The following KCNQ5 variants were observed in gnomAD, a reference collection of about 807,000 sequenced individuals.
The protein encoded by KCNQ5 is potassium voltage-gated channel subfamily Q member 5.
A neutral mutation model predicts 98.2 loss-of-function variants in KCNQ5; 30 were observed. That is an observed-to-expected ratio of 0.31 (90% confidence interval 0.23 to 0.41). KCNQ5 has a LOEUF of 0.41. Ranked by LOEUF, KCNQ5 falls within the 10% of genes least tolerant of loss-of-function variation. The pLI is 1.00. For missense variants in KCNQ5, 835 were observed against 1,182.5 expected (o/e 0.71, Z 4.31); for synonymous variants, 458 against 449.4 (o/e 1.02, Z -0.24).
chr6:73,035,745 C>A (rs1045085222), intron 2 of KCNQ5, among the ~76,000 whole-genome samples: 1 of 152,154 alleles, frequency 6.6e-6, no homozygotes, highest in African/African-American at 2.4e-5. Flanking sequence ...TTTCCTCTTA[C>A]GAGTCTATCC....
intron 11 of KCNQ5, among the ~76,000 whole-genome samples, chr6:73,170,090 AG>A (rs200983298): frequency 0.12 from 18,684 of 152,228 alleles, 1,511 homozygotes; most frequent in Middle Eastern, 0.26. Flanking sequence ...GTCATATTAG[AG>A]AGATTACACG....
intron 1 of KCNQ5, among the ~76,000 whole-genome samples, chr6:72,750,239 A>C (rs1054164331): frequency 6.6e-6 from 1 of 152,112 alleles, no homozygotes; most frequent in African/African-American, 2.4e-5. Context: ...TACTAACTCT[A>C]TCCAGAGTGA....
chr6:72,776,304 G>GT (rs1274577965), intron 1 of KCNQ5, among the ~76,000 whole-genome samples: 2 of 152,030 alleles, frequency 1.3e-5, no homozygotes, highest in African/African-American at 4.8e-5. Flanking sequence ...ATTATTCTTT[G>GT]TTTTTTCTAC....
chr6:72,900,957 A>G (rs1190616504), intron 1 of KCNQ5, among the ~76,000 whole-genome samples: 1 of 152,004 alleles, frequency 6.6e-6, no homozygotes, highest in Non-Finnish European at 1.5e-5. Context: ...TCTTTTGAGA[A>G]TTGTCTATTC....
chr6:72,970,050 G>A (rs1176728502), intron 1 of KCNQ5, among the ~76,000 whole-genome samples: 2 of 152,142 alleles, frequency 1.3e-5, no homozygotes, highest in African/African-American at 4.8e-5. Context: ...CTTGAGGCCA[G>A]GAGTTTGAGA....
intron 1 of KCNQ5, chr6:72,677,337 A>G (rs1767465033): frequency 6.6e-6 from 1 of 152,224 alleles, no homozygotes; most frequent in African/African-American, 2.4e-5. Context: ...TAGTTTCTAG[A>G]CAATTTGGGA....
intron 1 of KCNQ5, among the ~76,000 whole-genome samples, chr6:72,972,881 C>T (rs1459877147): frequency 6.6e-6 from 1 of 152,182 alleles, no homozygotes; most frequent in African/African-American, 2.4e-5. Flanking sequence ...CCTATCTACA[C>T]ACAGCATGTA....
intron 1 of KCNQ5, among the ~76,000 whole-genome samples, chr6:72,923,374 C>T (rs1780491154): frequency 6.6e-6 from 1 of 152,164 alleles, no homozygotes; most frequent in Admixed American, 6.5e-5. Flanking sequence ...GCTCCCTTTT[C>T]TCCACATCCT....
intron 1 of KCNQ5, among the ~76,000 whole-genome samples, chr6:72,888,688 T>C (rs1778943371): frequency 6.6e-6 from 1 of 152,212 alleles, no homozygotes; most frequent in Non-Finnish European, 1.5e-5. Context: ...TACTGCTCTT[T>C]GTAATGCCCA....
chr6:72,786,293 T>G (rs1773738098), intron 1 of KCNQ5, among the ~76,000 whole-genome samples: 1 of 152,224 alleles, frequency 6.6e-6, no homozygotes, highest in Non-Finnish European at 1.5e-5. Flanking sequence ...TAAATAATGA[T>G]TTATTATAAA....
At chr6:72,675,316 G>C (rs1025528855) in intron 1 of KCNQ5, among the ~76,000 whole-genome samples, 1 of 152,140 alleles carries the variant, frequency 6.6e-6, no homozygotes, top group Non-Finnish European at 1.5e-5. Flanking sequence ...GACTTCTAAG[G>C]AACTGCAAAA....
intron 1 of KCNQ5, among the ~76,000 whole-genome samples, chr6:72,756,566 G>T (rs1243889456): frequency 6.6e-6 from 1 of 152,018 alleles, no homozygotes; most frequent in Non-Finnish European, 1.5e-5. Flanking sequence ...GACATTATTT[G>T]TCATAACCCC....
intron 3 of KCNQ5, among the ~76,000 whole-genome samples, chr6:73,060,961 A>G (rs1772752587): frequency 6.6e-6 from 1 of 152,140 alleles, no homozygotes; most frequent in Admixed American, 6.5e-5. Flanking sequence ...TACCAAAATT[A>G]CTTAAGCATT....
Position 73,124,509 on chromosome 6 carries a change from G to A in KCNQ5, c.1244G>A (p.Ser415Asn). Residue 415 changes from serine to asparagine, a missense_variant, in exon 9 of 14, where the codon AGC becomes AAC. By Grantham distance (46) the Ser-to-Asn change is conservative (BLOSUM62 1). Transcript: ENST00000370398. The part of the protein sequence containing the change: ...PTKKEQGEAS[S>N]SQKLSFKERV... The stretch of plus-strand genomic sequence containing the variant: ...AGGAAAGAACAAGGGGAAGCATCAA[G>A]CAGGTTTGTGATTTCTCTCTTGCTA... 5 of 1,613,410 alleles carry A rather than the reference G, an allele frequency of 3.1e-6. No homozygotes were observed. The highest frequency in any genetic ancestry group is 4.2e-6 in the Non-Finnish European group (5 of 1,179,458).
At chr6:72,656,330 C>A (rs1766193302) in intron 1 of KCNQ5, among the ~76,000 whole-genome samples, 2 of 152,174 alleles carry the variant, frequency 1.3e-5, no homozygotes, top group South Asian at 4.1e-4. Context: ...CCCACTGTAA[C>A]TTGAACGTTG....
At chr6:72,971,837 G>C (rs1767917316) in intron 1 of KCNQ5, among the ~76,000 whole-genome samples, 1 of 152,182 alleles carries the variant, frequency 6.6e-6, no homozygotes, top group Non-Finnish European at 1.5e-5. Flanking sequence ...AGGGCCTGTT[G>C]TGGGGTGGGA....
intron 1 of KCNQ5, among the ~76,000 whole-genome samples, chr6:72,670,102 T>C (rs1767025913): frequency 6.6e-6 from 1 of 152,194 alleles, no homozygotes; most frequent in Non-Finnish European, 1.5e-5. Flanking sequence ...AATTCCTGCT[T>C]TCTACAAAAC....
intron 10 of KCNQ5, among the ~76,000 whole-genome samples, chr6:73,137,395 T>G (rs1776515720): frequency 6.6e-6 from 1 of 152,222 alleles, no homozygotes; most frequent in Admixed American, 6.5e-5. Context: ...TCTAAAGGAC[T>G]GATGTGGTGT....
At chr6:73,057,805 C>A (rs1377588203) in intron 3 of KCNQ5, among the ~76,000 whole-genome samples, 2 of 152,090 alleles carry the variant, frequency 1.3e-5, no homozygotes, top group Admixed American at 6.5e-5. Context: ...CAATTCTAAG[C>A]AAAAACAACA....
Sources: gnomAD v4.1 joint callset for allele counts (sites outside exome capture counted in the v4.1 genomes callset) on GRCh38, gnomAD v4.1.1 for gene constraint, MANE v1.5 for transcripts, NCBI Gene and HGNC (gene_info 2026-07-23, HGNC 2026-07-21) for gene names.